Variants in PRKCA observed in about 807,000 individuals in gnomAD.
PRKCA encodes protein kinase C alpha.
Under a neutral mutation model 87.0 loss-of-function variants are expected in PRKCA, and 27 were observed. The ratio of observed to expected loss-of-function variants is 0.31; its 90% CI spans 0.23 to 0.43. The LOEUF (loss-of-function observed/expected upper bound fraction) is 0.43, where lower values mean the gene tolerates loss of function less well. Among genes scored for constraint, PRKCA ranks in the 20% least tolerant of loss-of-function variants. The probability of loss-of-function intolerance (pLI) is 1.00; values close to 1 mark genes in which losing one functional copy is unlikely to be tolerated. For missense variants in PRKCA, 518 were observed against 852.3 expected, an observed-to-expected ratio of 0.61 and a Z score of 4.88; for synonymous variants, 329 against 311.1, an observed-to-expected ratio of 1.06 and a Z score of -0.61.
intron 3 of PRKCA, among the ~76,000 whole-genome samples, chr17:66,543,328 C>G (rs1344214598): frequency 2.0e-5 from 3 of 152,144 alleles, no homozygotes; most frequent in Non-Finnish European, 4.4e-5. Flanking sequence ...TGGCTCTTCT[C>G]TCTTCCTTCT....
chr17:66,469,761 A>C (rs1915242056), intron 2 of PRKCA, among the ~76,000 whole-genome samples: 1 of 152,196 alleles, frequency 6.6e-6, no homozygotes, highest in Non-Finnish European at 1.5e-5. Context: ...GTGCGAACAC[A>C]ATCAATTGGG....
chr17:66,475,275 T>A (rs1039816044), intron 2 of PRKCA, among the ~76,000 whole-genome samples: 1 of 152,114 alleles, frequency 6.6e-6, no homozygotes, highest in African/African-American at 2.4e-5. Flanking sequence ...TCTCACCTCC[T>A]CCATCCTAGA....
At chr17:66,790,066 C>T (rs558787371) in intron 16 of PRKCA, among the ~76,000 whole-genome samples, 3 of 152,344 alleles carry the variant, frequency 2.0e-5, no homozygotes, top group African/African-American at 4.8e-5. Context: ...TCAGAAGCAT[C>T]GCCCTGTTGG....
chr17:66,780,506 T>C (rs1488168838), intron 14 of PRKCA, among the ~76,000 whole-genome samples: 1 of 151,914 alleles, frequency 6.6e-6, no homozygotes, highest in Non-Finnish European at 1.5e-5. Flanking sequence ...TGAAACCCCA[T>C]CTCTACTAAA....
At chr17:66,665,751 G>A in intron 5 of PRKCA, among the ~76,000 whole-genome samples, 1 of 152,328 alleles carries the variant, frequency 6.6e-6, no homozygotes, top group East Asian at 1.9e-4. Flanking sequence ...GCAGCTATGG[G>A]TATTTTTGCT....
chr17:66,479,496 A>C (rs768040583), intron 2 of PRKCA, among the ~76,000 whole-genome samples: 1 of 152,200 alleles, frequency 6.6e-6, no homozygotes, highest in Non-Finnish European at 1.5e-5. Context: ...CAGCAATCCC[A>C]TGGCTAGGTA....
intron 2 of PRKCA, among the ~76,000 whole-genome samples, chr17:66,326,328 C>T (rs753632043): frequency 7.9e-5 from 12 of 152,100 alleles, no homozygotes; most frequent in Non-Finnish European, 1.5e-4. Flanking sequence ...CAAATGTTGT[C>T]TTCCCTGCCC....
chr17:66,585,522 A>G (rs1969566426), intron 3 of PRKCA, among the ~76,000 whole-genome samples: 1 of 152,206 alleles, frequency 6.6e-6, no homozygotes, highest in South Asian at 2.1e-4. Flanking sequence ...TAGCACAAAT[A>G]AGATTACATT....
At chr17:66,622,579 A>G (rs16959747) in intron 3 of PRKCA, among the ~76,000 whole-genome samples, 4,343 of 152,284 alleles carry the variant, frequency 0.029, 214 homozygotes, top group African/African-American at 0.099. Flanking sequence ...TAGATATTAG[A>G]GTAACACTTG....
At chr17:66,785,830 T>C (rs1217064598) in intron 14 of PRKCA, among the ~76,000 whole-genome samples, 1 of 152,138 alleles carries the variant, frequency 6.6e-6, no homozygotes, top group Non-Finnish European at 1.5e-5. Context: ...GAGAACTGTG[T>C]TTTTGTTTTT....
chr17:66,551,492 C>T (rs562280242), intron 3 of PRKCA, among the ~76,000 whole-genome samples: 5 of 152,344 alleles, frequency 3.3e-5, no homozygotes, highest in South Asian at 2.1e-4. Context: ...TAGGGCAGCT[C>T]GCAGCATGGT....
At chr17:66,399,715 T>C (rs1385630019) in intron 2 of PRKCA, among the ~76,000 whole-genome samples, 1 of 152,212 alleles carries the variant, frequency 6.6e-6, no homozygotes, top group African/African-American at 2.4e-5. Context: ...GTATTTGTCT[T>C]TTTGTGATTC....
intron 8 of PRKCA, among the ~76,000 whole-genome samples, chr17:66,711,175 T>C (rs532923117): frequency 1.6e-4 from 25 of 152,354 alleles, no homozygotes; most frequent in African/African-American, 5.5e-4. Flanking sequence ...AGTGCATCTT[T>C]AAATGGACAG....
At chr17:66,461,543 C>G (rs1198135155) in intron 2 of PRKCA, among the ~76,000 whole-genome samples, 1 of 152,072 alleles carries the variant, frequency 6.6e-6, no homozygotes, top group Non-Finnish European at 1.5e-5. Context: ...ATGATAATTC[C>G]CCTAGTTATC....
At chr17:66,726,628 C>T (rs546641390) in intron 8 of PRKCA, among the ~76,000 whole-genome samples, 2 of 152,022 alleles carry the variant, frequency 1.3e-5, no homozygotes, top group South Asian at 2.1e-4. Context: ...GGAAATAAGC[C>T]GAGAGACAGA....
chr17:66,373,000 AG>A (rs1276767941), intron 2 of PRKCA, among the ~76,000 whole-genome samples: 6 of 152,102 alleles, frequency 3.9e-5, no homozygotes, highest in Admixed American at 3.9e-4. Context: ...TGGAGGTTGC[AG>A]TGAGTCAAGA....
chr17:66,429,027 G>A, intron 2 of PRKCA, among the ~76,000 whole-genome samples: 1 of 151,948 alleles, frequency 6.6e-6, no homozygotes, highest in East Asian at 1.9e-4. Context: ...GATCTTTGGG[G>A]GTGATAAAGA....
intron 2 of PRKCA, among the ~76,000 whole-genome samples, chr17:66,382,028 TC>T (rs1419459759): frequency 6.6e-6 from 1 of 152,204 alleles, no homozygotes; most frequent in African/African-American, 2.4e-5. Context: ...GATGTCTTCC[TC>T]TGTTTGTCAC....
chr17:66,341,163 G>A (rs574711732), intron 2 of PRKCA, among the ~76,000 whole-genome samples: 1 of 152,038 alleles, frequency 6.6e-6, no homozygotes, highest in Non-Finnish European at 1.5e-5. Context: ...GCAGACTTCC[G>A]TGTCTAGAAA....
Sources: gnomAD v4.1 joint callset for allele counts (sites outside exome capture counted in the v4.1 genomes callset) on GRCh38, gnomAD v4.1.1 for gene constraint, MANE v1.5 for transcripts, NCBI Gene and HGNC (gene_info 2026-07-23, HGNC 2026-07-21) for gene names.